STPG2: variants seen among roughly 807,000 people sequenced by gnomAD.
The protein encoded by STPG2 is sperm tail PG-rich repeat containing 2.
A neutral mutation model predicts 54.2 loss-of-function variants in STPG2; 56 were observed. The observed-to-expected ratio is 1.03, with a 90% CI of 0.83 to 1.29. The LOEUF is 1.29. Ranked by LOEUF, STPG2 falls within the 50% of genes most tolerant of loss-of-function variation. The probability of loss-of-function intolerance (pLI) is 0.00; values close to 1 mark genes in which losing one functional copy is unlikely to be tolerated. For missense variants in STPG2, 596 were observed against 544.9 expected (o/e 1.09, Z -0.93); for synonymous variants, 200 against 181.8 (o/e 1.10, Z -0.81).
At chr4:97,549,439 C>T (rs1467515857) in intron 4 of STPG2, among the ~76,000 whole-genome samples, 1 of 151,968 alleles carries the variant, frequency 6.6e-6, no homozygotes, top group Non-Finnish European at 1.5e-5. Context: ...CTTTTGAGGC[C>T]TGTAAATAGA....
Position 97,478,873 on chromosome 4 carries a change from A to ATGTG in STPG2, c.462+233822_462+233825dup, listed in dbSNP as rs35662485. Among the ~76,000 whole-genome samples the ATGTG allele has an allele frequency of 6.1e-3, 811 of 134,014 alleles. 3 individuals are homozygous for ATGTG. The highest frequency in any genetic ancestry group is 0.024 in the South Asian group (91 of 3,792). 87.9% of individuals were successfully genotyped at this position (134,014 alleles called of 152,430 possible). A position where few individuals can be genotyped will look rare whatever the true frequency, so the allele number is the denominator to read the frequency against. On this transcript the variant is annotated intron_variant, in intron 4 of 4. Coordinates refer to the STPG2 transcript ENST00000522676. ...ATGAACCCTAGAAACCAAGCCAAAT[A>ATGTG]TGTGTGTGTGTGTGTGTGTGTGTGT...
rs72892963 is a variant in STPG2 at position 97,928,476 on chromosome 4, T to C, written c.1044+15421A>G. Among the ~76,000 whole-genome samples the C allele has an allele frequency of 2.0e-3, 307 of 152,296 alleles. 2 individuals carry two copies. Among genetic ancestry groups the C allele is most frequent in the African/African-American group, 7.2e-3 (301 of 41,562 alleles). On this transcript the variant is annotated intron_variant, in intron 8 of 10. Coordinates refer to ENST00000295268, the MANE Select transcript of STPG2 (RefSeq NM_174952.3). ...ATTTGAGTACTACTTCTACTTTTATTTCAAAATAATACCTTCACTTCATAA... is the reference window on the plus strand; with the variant it reads ...ATTTGAGTACTACTTCTACTTTTATCTCAAAATAATACCTTCACTTCATAA...
intron 10 of STPG2, among the ~76,000 whole-genome samples, chr4:97,671,518 C>T (rs1722693848): frequency 6.6e-6 from 1 of 152,120 alleles, no homozygotes; most frequent in Non-Finnish European, 1.5e-5. Context: ...TTATTCTCCA[C>T]AAAACAACTA....
chr4:97,886,817 G>A (rs1180472778), intron 8 of STPG2, among the ~76,000 whole-genome samples: 3 of 152,164 alleles, frequency 2.0e-5, no homozygotes, highest in Non-Finnish European at 2.9e-5. Flanking sequence ...GAAGGTGATT[G>A]AATCATGTCA....
intron 10 of STPG2, among the ~76,000 whole-genome samples, chr4:97,623,334 C>G (rs1219672807): frequency 6.6e-6 from 1 of 151,994 alleles, no homozygotes; most frequent in African/African-American, 2.4e-5. Flanking sequence ...AAACAACCTA[C>G]AGAATGGAAG....
intron 10 of STPG2, among the ~76,000 whole-genome samples, chr4:97,648,744 T>C (rs1721982993): frequency 6.6e-6 from 1 of 152,130 alleles, no homozygotes; most frequent in Non-Finnish European, 1.5e-5. Flanking sequence ...ATCAAGGAAA[T>C]GTATACAAAC....
chr4:97,818,955 T>C (rs990855555), intron 9 of STPG2, among the ~76,000 whole-genome samples: 2 of 147,844 alleles, frequency 1.4e-5, no homozygotes, highest in African/African-American at 4.9e-5. Context: ...TATATAAATA[T>C]ACATATTTAT....
chr4:97,514,407 A>G (rs989823188), intron 4 of STPG2, among the ~76,000 whole-genome samples: 1 of 152,086 alleles, frequency 6.6e-6, no homozygotes, highest in African/African-American at 2.4e-5. Context: ...TTGTCCTCAA[A>G]CCCAAGGAGT....
intron 4 of STPG2, among the ~76,000 whole-genome samples, chr4:97,540,020 A>G (rs560687471): frequency 1.3e-5 from 2 of 152,372 alleles, no homozygotes; most frequent in African/African-American, 4.8e-5. Context: ...CACAAGAGAA[A>G]GTGGCAAAGA....
chr4:97,586,477 G>C (rs994071372), intron 10 of STPG2, among the ~76,000 whole-genome samples: 6 of 151,874 alleles, frequency 4.0e-5, no homozygotes, highest in Non-Finnish European at 7.4e-5. Flanking sequence ...AAAGAGCTGA[G>C]TAAACTCCAA....
chr4:98,087,560 C>CTTTTTTTTT (rs70955916), intron 5 of STPG2, among the ~76,000 whole-genome samples: 4 of 132,284 alleles, frequency 3.0e-5, no homozygotes, highest in Non-Finnish European at 4.7e-5. Context: ...CTCTTTTTTT[C>CTTTTTTTTT]TTTTTTTTTT....
intron 4 of STPG2, among the ~76,000 whole-genome samples, chr4:97,550,241 T>A (rs1731934423): frequency 6.6e-6 from 1 of 152,134 alleles, no homozygotes; most frequent in Admixed American, 6.6e-5. Flanking sequence ...TGTTGTCTGA[T>A]CTGTGGTATG....
chr4:98,025,471 A>G (rs1736384731), intron 5 of STPG2: 1 of 522,446 alleles, frequency 1.9e-6, no homozygotes, highest in Non-Finnish European at 3.6e-6. Flanking sequence ...GTAAAACTGA[A>G]TACCATGCTT....
At chr4:97,477,625 T>C (rs944160118) in intron 4 of STPG2, among the ~76,000 whole-genome samples, 2 of 151,188 alleles carry the variant, frequency 1.3e-5, no homozygotes, top group African/African-American at 4.9e-5. Context: ...TACAGGCGCC[T>C]GCCACCATGC....
At chr4:97,531,979 CATAAAT>C (rs1731425839) in intron 4 of STPG2, among the ~76,000 whole-genome samples, 1 of 151,962 alleles carries the variant, frequency 6.6e-6, no homozygotes, top group Non-Finnish European at 1.5e-5. Flanking sequence ...TAATGTACTC[CATAAAT>C]ATAAACACCT....
rs529896788 is a variant in STPG2 at position 97,547,111 on chromosome 4, G to A, written c.462+165588C>T. 2.0e-5 allele frequency among the ~76,000 whole-genome samples: 3 copies of A among 151,712 alleles called. No homozygotes were observed. In the South Asian group the frequency reaches 6.2e-4, roughly 32 times the overall value. ...CAAATGAAAGAAGTTCAATACGTAC[G>A]AACTAAAAATGAAAAGGGTAAAAGG... is the stretch of plus-strand genomic sequence containing the variant. On this transcript the variant is annotated intron_variant, in intron 4 of 4. Transcript: ENST00000522676.
chr4:97,650,269 T>C (rs1298645977), intron 10 of STPG2, among the ~76,000 whole-genome samples: 3 of 151,978 alleles, frequency 2.0e-5, no homozygotes, highest in African/African-American at 7.2e-5. Flanking sequence ...GGCCCAGGAG[T>C]TGGGGATCTC....
At chr4:98,107,748 T>A (rs1462838131) in intron 4 of STPG2, among the ~76,000 whole-genome samples, 2 of 149,440 alleles carry the variant, frequency 1.3e-5, no homozygotes, top group Non-Finnish European at 1.5e-5. Flanking sequence ...TAAACCTCAA[T>A]AAAACTGAGA....
At chr4:97,501,104 A>G (rs1180920496) in intron 4 of STPG2, among the ~76,000 whole-genome samples, 1 of 152,072 alleles carries the variant, frequency 6.6e-6, no homozygotes, top group African/African-American at 2.4e-5. Context: ...GATCCAGTTC[A>G]CAACTAGAGA....
Sources: gnomAD v4.1 joint callset for allele counts (sites outside exome capture counted in the v4.1 genomes callset) on GRCh38, gnomAD v4.1.1 for gene constraint, MANE v1.5 for transcripts, NCBI Gene and HGNC (gene_info 2026-07-23, HGNC 2026-07-21) for gene names.